The following ASXL2 variants were observed in gnomAD, a reference collection of about 807,000 sequenced individuals.
ASXL2 encodes ASXL transcriptional regulator 2.
Under a neutral mutation model 122.0 loss-of-function variants are expected in ASXL2, and 23 were observed. The ratio of observed to expected loss-of-function variants is 0.19; its 90% CI spans 0.14 to 0.27. The LOEUF (loss-of-function observed/expected upper bound fraction) is 0.27, where lower values mean the gene tolerates loss of function less well. Among genes scored for constraint, ASXL2 ranks in the 10% least tolerant of loss-of-function variants. The probability of loss-of-function intolerance (pLI) is 1.00; values close to 1 mark genes in which losing one functional copy is unlikely to be tolerated. For synonymous variants in ASXL2, 650 were observed against 637.0 expected, an observed-to-expected ratio of 1.02 and a Z score of -0.31; for missense variants, 1,518 against 1,713.8, an observed-to-expected ratio of 0.89 and a Z score of 2.02.
intron 5 of ASXL2, among the ~76,000 whole-genome samples, chr2:25,782,320 G>A (rs961767323): frequency 1.3e-5 from 2 of 151,978 alleles, no homozygotes. Flanking sequence ...TGAGATGGGT[G>A]GATCATCTGA....
At position 25,743,468 on chromosome 2, in the gene ASXL2, G is replaced by A; in HGVS notation, c.2869C>T (p.Leu957Phe). 6.2e-7 allele frequency: 1 copy of A among 1,613,848 alleles called. No homozygotes were observed. Among genetic ancestry groups the A allele is most frequent in the Non-Finnish European group, 8.5e-7 (1 of 1,179,898 alleles). Residue 957 changes from leucine (L) to phenylalanine (F), a missense_variant, in exon 13 of 13, where the codon CTT (leucine) becomes TTT (phenylalanine). Coordinates refer to ENST00000435504, the MANE Select transcript of ASXL2 (RefSeq NM_018263.6). ...PANNPLVTQL[L>F]QGKDVPMEQI... ...TCCATGGGAACATCTTTGCCTTGAA[G>A]CAGCTGAGTCACTAAAGGATTATTA...
chr2:25,779,182 A>C (rs1191449415), intron 5 of ASXL2, among the ~76,000 whole-genome samples: 1 of 138,118 alleles, frequency 7.2e-6, no homozygotes, highest in Admixed American at 8.4e-5. Flanking sequence ...CTCTGCCTCC[A>C]CTTGATTGGG....
intron 1 of ASXL2, among the ~76,000 whole-genome samples, chr2:25,860,459 T>G (rs550328964): frequency 2.0e-5 from 3 of 152,336 alleles, no homozygotes; most frequent in African/African-American, 4.8e-5. Flanking sequence ...CTCACGCCTG[T>G]AATCCCAGCA....
intron 7 of ASXL2, among the ~76,000 whole-genome samples, chr2:25,768,251 T>C (rs1463459196): frequency 2.0e-5 from 3 of 152,224 alleles, no homozygotes; most frequent in Non-Finnish European, 4.4e-5. Flanking sequence ...ATTTATTAGA[T>C]TAGACCATCT....
rs920242915 is a variant in ASXL2 at position 25,739,132 on chromosome 2, T to G, written c.*2897A>C. ...CAGTGGAGGACATCTGAAGGCTAGA[T>G]AGGGGTGCACGGGAGGCGTATGCAT... is the stretch of plus-strand genomic sequence containing the variant. On this transcript the variant is annotated 3_prime_UTR_variant, in exon 13 of 13. Coordinates refer to ENST00000435504, the MANE Select transcript of ASXL2 (RefSeq NM_018263.6). 6.6e-6 allele frequency: 1 copy of G among 152,346 alleles called. No homozygotes were observed. Among genetic ancestry groups the G allele is most frequent in the Non-Finnish European group, 1.5e-5 (1 of 68,110 alleles). 9.4% of individuals were successfully genotyped at this position (152,346 alleles called of 1,614,324 possible).
chr2:25,794,863 T>C (rs2088889730), intron 5 of ASXL2, among the ~76,000 whole-genome samples: 1 of 152,198 alleles, frequency 6.6e-6, no homozygotes, highest in Non-Finnish European at 1.5e-5. Context: ...TTACCTTTAT[T>C]GATAACTAAG....
chr2:25,850,287 T>A lies in ASXL2; in HGVS notation c.58-4724A>T, dbSNP rs562001943. ...GGAAAAACCACTTTTTTTAAACAGTTGGTTTGTTCAAATCAATAGACCCAC... is the reference window on the plus strand; with the variant it reads ...GGAAAAACCACTTTTTTTAAACAGTAGGTTTGTTCAAATCAATAGACCCAC... On this transcript the variant is annotated intron_variant, in intron 1 of 12. Transcript: ENST00000435504. Among the ~76,000 whole-genome samples, 294 of 152,298 alleles carry A rather than the reference T, an allele frequency of 1.9e-3. 1 individual carries two copies. The highest frequency in any genetic ancestry group is 6.9e-3 in the African/African-American group (286 of 41,534).
chr2:25,743,898 G>A lies in ASXL2; in HGVS notation c.2439C>T (p.Ala813=). The change falls in exon 13 of 13, where the codon GCC becomes GCT. Residue 813 remains alanine, a synonymous_variant. Transcript: ENST00000435504. ...GTGGATGGCTGACAGAGGCCACTGT[G>A]GCTGTTGCTCTGGTGGGGTTCAGTT... The part of the protein sequence containing the change: ...NEKLNPTRAT[A]TVASVSHPQG... 6.2e-7 allele frequency: 1 copy of A among 1,614,014 alleles called. No individual in the cohort carries two copies. The highest frequency in any genetic ancestry group is 8.5e-7 in the Non-Finnish European group (1 of 1,179,896).
At chr2:25,874,052 A>C (rs2089990262) in intron 1 of ASXL2, among the ~76,000 whole-genome samples, 1 of 152,238 alleles carries the variant, frequency 6.6e-6, no homozygotes, top group African/African-American at 2.4e-5. Context: ...ATAGTTCTAA[A>C]GTCAATGCAG....
At chr2:25,835,584 A>C (rs1194004445) in intron 2 of ASXL2, 44 bp from the exon 3 acceptor site, 4 of 263,058 alleles carry the variant, frequency 1.5e-5, no homozygotes, top group African/African-American at 9.0e-5. Context: ...AAGGAAAAAA[A>C]AAGCTTTTAA....
At chr2:25,797,750 T>C (rs1204630588) in intron 5 of ASXL2, among the ~76,000 whole-genome samples, 1 of 152,148 alleles carries the variant, frequency 6.6e-6, no homozygotes, top group Non-Finnish European at 1.5e-5. Flanking sequence ...GACGAGGACA[T>C]GAAGCAACAG....
At chr2:25,774,914 C>T (rs954655726) in intron 5 of ASXL2, among the ~76,000 whole-genome samples, 2 of 152,284 alleles carry the variant, frequency 1.3e-5, no homozygotes. Context: ...TCTCAGATTG[C>T]TAAGAAAGCT....
chr2:25,845,359 TG>T, intron 2 of ASXL2, 121 bp downstream of exon 2: 1 of 1,374,540 alleles, frequency 7.3e-7, no homozygotes, highest in African/African-American at 1.5e-5. Flanking sequence ...ATCTGACATC[TG>T]ATCAGAACAA....
intron 5 of ASXL2, among the ~76,000 whole-genome samples, chr2:25,779,718 C>T (rs1361089610): frequency 6.6e-6 from 1 of 152,122 alleles, no homozygotes; most frequent in Admixed American, 6.5e-5. Context: ...AATTATGTAA[C>T]GTTACAAAAC....
intron 3 of ASXL2, among the ~76,000 whole-genome samples, chr2:25,826,059 C>T (rs2089371096): frequency 1.3e-5 from 2 of 152,152 alleles, no homozygotes; most frequent in South Asian, 4.1e-4. Flanking sequence ...GCACTATGTC[C>T]TCAAGCATTT....
At chr2:25,877,741 T>A (rs1364861144) in intron 1 of ASXL2, among the ~76,000 whole-genome samples, 1 of 152,096 alleles carries the variant, frequency 6.6e-6, no homozygotes, top group Admixed American at 6.6e-5. Context: ...GCTCCAGCGC[T>A]CCCCTCTCCT....
intron 1 of ASXL2, chr2:25,856,693 G>T: frequency 1.6e-6 from 2 of 1,289,092 alleles, no homozygotes; most frequent in South Asian, 1.2e-5. Flanking sequence ...GAGTGAGCCA[G>T]TTTGCATACC....
intron 3 of ASXL2, among the ~76,000 whole-genome samples, chr2:25,829,747 C>G (rs1463254305): frequency 5.3e-5 from 8 of 152,230 alleles, no homozygotes; most frequent in Middle Eastern, 3.4e-3. Context: ...TTTATGTTCC[C>G]TCAAGTCTCA....
At chr2:25,769,735 G>A (rs1423391663) in intron 6 of ASXL2, among the ~76,000 whole-genome samples, 1 of 151,750 alleles carries the variant, frequency 6.6e-6, no homozygotes, top group South Asian at 2.1e-4. Context: ...ACTTTGCTAG[G>A]TTGCCATTTT....
Sources: gnomAD v4.1 joint callset for allele counts (sites outside exome capture counted in the v4.1 genomes callset) on GRCh38, gnomAD v4.1.1 for gene constraint, MANE v1.5 for transcripts, NCBI Gene and HGNC (gene_info 2026-07-23, HGNC 2026-07-21) for gene names.